Variants in AGTPBP1 observed in about 807,000 individuals in gnomAD.
The protein encoded by AGTPBP1 is cytosolic carboxypeptidase 1.
In AGTPBP1, 70 loss-of-function variants were observed where a neutral mutation model predicts 143.9. The observed-to-expected ratio is 0.49, with a 90% CI of 0.40 to 0.59. AGTPBP1 has a LOEUF of 0.59. AGTPBP1 is among the 20% of genes least tolerant of loss of function. AGTPBP1 has a pLI of 0.00. For missense variants in AGTPBP1, 1,229 were observed against 1,464.5 expected (o/e 0.84, Z 2.62); for synonymous variants, 463 against 500.2 (o/e 0.93, Z 0.99).
In AGTPBP1 at chr9:85,655,404, C is replaced by A. The variant is rs574532046; in HGVS notation, c.910-84G>T. On this transcript the variant is annotated intron_variant, in intron 10 of 25. Coordinates refer to ENST00000357081, the MANE Select transcript of AGTPBP1 (RefSeq NM_001330701.2). ...TTACTTTAGTTCAAAAAGTGTCATA[C>A]ATTAATAATTTTCTAGAAACAAATA... 31 of 1,145,758 alleles carry A rather than the reference C, an allele frequency of 2.7e-5. No homozygotes were observed. The African/African-American group carries it at 4.6e-4, about 17-fold the overall frequency. The allele number at this position is 1,145,758 out of a possible 1,614,324, so 71.0% of individuals were successfully genotyped here.
At chr9:85,627,379 C>T (rs1158176663) in intron 14 of AGTPBP1, among the ~76,000 whole-genome samples, 5 of 152,106 alleles carry the variant, frequency 3.3e-5, no homozygotes, top group Non-Finnish European at 7.4e-5. Flanking sequence ...CAAGTCTAAC[C>T]CAATTATCCA....
chr9:85,582,544 G>C lies in AGTPBP1; in HGVS notation c.3165+2919C>G, dbSNP rs139871858. Among the ~76,000 whole-genome samples the C allele has an allele frequency of 5.6e-4, 85 of 152,126 alleles. No individual in the cohort carries two copies. The East Asian group carries it at 0.015, about 27-fold the overall frequency. ...ATACAAAAAATATTAGCTAGGAGTGGTGGTGGGCACCTGTAATCCCAGCTA... is the reference window on the plus strand; with the variant it reads ...ATACAAAAAATATTAGCTAGGAGTGCTGGTGGGCACCTGTAATCCCAGCTA... On this transcript the variant is annotated intron_variant, in intron 23 of 25. Transcript: ENST00000357081.
intron 17 of AGTPBP1, among the ~76,000 whole-genome samples, chr9:85,614,464 A>G (rs1037598059): frequency 3.9e-5 from 6 of 152,130 alleles, no homozygotes; most frequent in African/African-American, 1.4e-4. Flanking sequence ...AGGTGAAGGC[A>G]TAAAAAAACT....
intron 17 of AGTPBP1, among the ~76,000 whole-genome samples, chr9:85,612,190 A>C (rs1830354945): frequency 6.6e-6 from 1 of 152,186 alleles, no homozygotes; most frequent in Non-Finnish European, 1.5e-5. Context: ...CTTCTATTCT[A>C]ATGAGGCAGC....
chr9:85,629,861 G>A (rs1178675192), intron 14 of AGTPBP1, among the ~76,000 whole-genome samples: 1 of 152,096 alleles, frequency 6.6e-6, no homozygotes, highest in Non-Finnish European at 1.5e-5. Context: ...ATAATATAAA[G>A]TCCATGAGAG....
At chr9:85,638,141 A>G (rs547196984) in intron 13 of AGTPBP1, among the ~76,000 whole-genome samples, 2 of 152,066 alleles carry the variant, frequency 1.3e-5, no homozygotes, top group African/African-American at 4.8e-5. Context: ...GTGTATATAT[A>G]TATGTTGATT....
At chr9:85,702,254 G>A (rs192232278) in intron 2 of AGTPBP1, among the ~76,000 whole-genome samples, 1 of 152,216 alleles carries the variant, frequency 6.6e-6, no homozygotes, top group South Asian at 2.1e-4. Context: ...GGAAATTACA[G>A]TTACAAGTAT....
the AGTPBP1 span, among the ~76,000 whole-genome samples, chr9:85,794,409 T>C: frequency 6.6e-6 from 1 of 152,134 alleles, no homozygotes; most frequent in East Asian, 1.9e-4. Context: ...TACAATTTGT[T>C]GAAAAAAACT....
At chr9:85,755,935 A>C in the AGTPBP1 span, 1 of 620,558 alleles carries the variant, frequency 1.6e-6, no homozygotes, top group South Asian at 2.9e-5. Flanking sequence ...AGGATCTCAG[A>C]CGGCTACCTG....
chr9:85,613,319 G>C (rs62566926), intron 17 of AGTPBP1, among the ~76,000 whole-genome samples: 1 of 151,476 alleles, frequency 6.6e-6, no homozygotes, highest in African/African-American at 2.4e-5. Context: ...CCTGCAGAGA[G>C]GTAAAGAGAG....
At chr9:85,705,962 T>C (rs569128182) in intron 2 of AGTPBP1, among the ~76,000 whole-genome samples, 29 of 151,696 alleles carry the variant, frequency 1.9e-4, no homozygotes, top group African/African-American at 6.5e-4. Context: ...AGTGCTGGGA[T>C]TACAGGTGTG....
chr9:85,771,877 T>C, the AGTPBP1 span, among the ~76,000 whole-genome samples: 4 of 152,022 alleles, frequency 2.6e-5, no homozygotes, highest in Admixed American at 6.6e-5. Context: ...ACAGAGATGG[T>C]CTCGATCACC....
At chr9:85,591,637 A>G (rs773024591) in intron 19 of AGTPBP1, among the ~76,000 whole-genome samples, 28 of 152,310 alleles carry the variant, frequency 1.8e-4, no homozygotes, top group Non-Finnish European at 4.0e-4. Flanking sequence ...CTAAGCACAG[A>G]AAGATATATG....
chr9:85,674,369 C>A (rs1291279649), intron 6 of AGTPBP1, among the ~76,000 whole-genome samples: 1 of 151,470 alleles, frequency 6.6e-6, no homozygotes, highest in Non-Finnish European at 1.5e-5. Context: ...ATAAATATGA[C>A]CTAAAACTTA....
chr9:85,691,534 A>AGGGGGTGT (rs202107318), intron 3 of AGTPBP1, among the ~76,000 whole-genome samples: 3 of 131,344 alleles, frequency 2.3e-5, no homozygotes, highest in African/African-American at 1.0e-4. Flanking sequence ...AAAAAAAAAG[A>AGGGGGTGT]GGGTGTGTGT....
At chr9:85,766,660 A>G in the AGTPBP1 span, among the ~76,000 whole-genome samples, 1 of 151,992 alleles carries the variant, frequency 6.6e-6, no homozygotes, top group Non-Finnish European at 1.5e-5. Flanking sequence ...TACTCACATG[A>G]GCTTCTATGC....
chr9:85,736,378 C>G (rs2134798767), intron 1 of AGTPBP1, among the ~76,000 whole-genome samples: 1 of 152,148 alleles, frequency 6.6e-6, no homozygotes, highest in East Asian at 1.9e-4. Flanking sequence ...GTATAGCAAT[C>G]AGATCAGGGT....
the AGTPBP1 span, chr9:85,786,576 C>T: frequency 2.7e-5 from 43 of 1,613,152 alleles, no homozygotes; most frequent in Middle Eastern, 4.9e-4. Context: ...GACTTAAAAA[C>T]TTAGACATTG....
chr9:85,561,989 G>A (rs750744982), intron 25 of AGTPBP1, among the ~76,000 whole-genome samples: 18 of 151,844 alleles, frequency 1.2e-4, no homozygotes, highest in Non-Finnish European at 2.4e-4. Context: ...CTGCCACCAC[G>A]CCCAGCTAAT....
Sources: allele counts gnomAD v4.1 joint callset (sites outside exome capture counted in the v4.1 genomes callset), GRCh38; gene constraint gnomAD v4.1.1; transcripts MANE v1.5; gene names NCBI Gene and HGNC (gene_info 2026-07-23, HGNC 2026-07-21).